The following TYW1 variants were observed in gnomAD, a reference collection of about 807,000 sequenced individuals.
TYW1 encodes the protein S-adenosyl-L-methionine-dependent tRNA 4-demethylwyosine synthase TYW1.
Under a neutral mutation model 96.2 loss-of-function variants are expected in TYW1, and 46 were observed. That is an observed-to-expected ratio of 0.48 (90% confidence interval 0.38 to 0.61). The LOEUF is 0.61. Among genes scored for constraint, TYW1 ranks in the 20% least tolerant of loss-of-function variants. The probability of loss-of-function intolerance (pLI) is 0.00; values close to 1 mark genes in which losing one functional copy is unlikely to be tolerated. For synonymous variants in TYW1, 274 were observed against 323.0 expected (o/e 0.85, Z 1.63); for missense variants, 684 against 909.6 (o/e 0.75, Z 3.19).
At chr7:67,094,039 A>C (rs548494486) in intron 11 of TYW1, among the ~76,000 whole-genome samples, 17 of 151,994 alleles carry the variant, frequency 1.1e-4, no homozygotes, top group African/African-American at 4.1e-4. Context: ...TATTATTTCC[A>C]TCTTTAGGTC....
intron 11 of TYW1, among the ~76,000 whole-genome samples, chr7:67,095,092 G>A (rs62468365): frequency 0.04 from 6,044 of 151,738 alleles, 178 homozygotes; most frequent in Middle Eastern, 0.1. Context: ...TCCGCCTCCC[G>A]GGTTCAAGTG....
At chr7:67,169,494 G>A (rs1244375915) in intron 13 of TYW1, among the ~76,000 whole-genome samples, 1 of 151,918 alleles carries the variant, frequency 6.6e-6, no homozygotes, top group African/African-American at 2.4e-5. Flanking sequence ...TCTGTCTCCC[G>A]GGTTCAAGTG....
intron 7 of TYW1, among the ~76,000 whole-genome samples, chr7:67,044,371 T>C (rs558656041): frequency 1.4e-4 from 21 of 152,278 alleles, no homozygotes; most frequent in Non-Finnish European, 2.8e-4. Context: ...GTGCTGGGAT[T>C]ACAGGTGTGA....
chr7:67,059,842 G>A (rs1399530342), intron 9 of TYW1, among the ~76,000 whole-genome samples: 3 of 150,834 alleles, frequency 2.0e-5, no homozygotes, highest in Non-Finnish European at 3.0e-5. Flanking sequence ...GTGTGATCTC[G>A]GCTCCCTGCA....
At chr7:67,165,846 C>T (rs1347696387) in intron 13 of TYW1, among the ~76,000 whole-genome samples, 1 of 152,182 alleles carries the variant, frequency 6.6e-6, no homozygotes, top group African/African-American at 2.4e-5. Context: ...AGGAGGATCA[C>T]TTGAGCCAGG....
At chr7:67,106,511 G>A (rs1324140222) in intron 12 of TYW1, among the ~76,000 whole-genome samples, 2 of 152,094 alleles carry the variant, frequency 1.3e-5, no homozygotes, top group African/African-American at 4.8e-5. Flanking sequence ...TGTAAGGCAA[G>A]GAAGTTGTTG....
rs1271250996 is a variant in TYW1 at position 67,117,479 on chromosome 7, T to C, written c.1563-4T>C. 1 of 1,590,832 alleles carries C rather than the reference T, an allele frequency of 6.3e-7. No individual in the cohort carries two copies. The highest frequency in any genetic ancestry group is 1.4e-5 in the African/African-American group (1 of 72,966). On this transcript the variant is annotated splice_polypyrimidine_tract_variant and splice_region_variant and intron_variant, in intron 12 of 15. Transcript: ENST00000359626. ...TTTCTTCTTTTAAAAAAAATATTAC[T>C]AAGGAACCTCGAGCCGGTTACTCAG...
chr7:67,185,370 A>C (rs868797430), intron 14 of TYW1, among the ~76,000 whole-genome samples: 13 of 151,806 alleles, frequency 8.6e-5, no homozygotes, highest in Middle Eastern at 6.8e-3. Flanking sequence ...CAACAGTCAC[A>C]AAGTGAGTGG....
chr7:67,052,861 TGCCTCA>T (rs1193617348), intron 8 of TYW1, among the ~76,000 whole-genome samples: 5 of 152,062 alleles, frequency 3.3e-5, no homozygotes, highest in Admixed American at 2.6e-4. Context: ...GTGATTCACC[TGCCTCA>T]GCCTCCTGAG....
intron 7 of TYW1, among the ~76,000 whole-genome samples, chr7:67,025,761 TA>T (rs1794430687): frequency 6.6e-6 from 1 of 152,142 alleles, no homozygotes; most frequent in Non-Finnish European, 1.5e-5. Context: ...AAAATTGAAG[TA>T]ATATTGTGTA....
At chr7:67,023,734 C>T (rs181077133) in intron 6 of TYW1, among the ~76,000 whole-genome samples, 12 of 152,244 alleles carry the variant, frequency 7.9e-5, no homozygotes, top group East Asian at 3.9e-4. Context: ...CGCCACTGCA[C>T]TCCAGCCTGG....
chr7:67,227,598 G>A (rs1218729311), intron 15 of TYW1, among the ~76,000 whole-genome samples: 1 of 151,836 alleles, frequency 6.6e-6, no homozygotes, highest in African/African-American at 2.4e-5. Flanking sequence ...GTTTCATATA[G>A]TTGGGGCTTT....
rs143928226 is a variant in TYW1 at position 67,210,764 on chromosome 7, G to GTCCGTCCATCCATCCA, written c.1977+15430_1977+15431insGTCCATCCATCCATCC. ...TCATCTGTTTGTCTGTCGTCTGTCC[G>GTCCGTCCATCCATCCA]TCCATCCATCCATCCATCCGTCCAT... On this transcript the variant is annotated intron_variant, in intron 15 of 15. Coordinates refer to ENST00000359626, the MANE Select transcript of TYW1 (RefSeq NM_018264.4). Among the ~76,000 whole-genome samples the GTCCGTCCATCCATCCA allele has an allele frequency of 8.2e-4, 118 of 144,098 alleles. 5 individuals are homozygous for GTCCGTCCATCCATCCA. The highest frequency in any genetic ancestry group is 3.7e-3 in the Admixed American group (54 of 14,416). The allele number at this position is 144,098 out of a possible 152,430, so 94.5% of individuals were successfully genotyped here.
intron 10 of TYW1, among the ~76,000 whole-genome samples, chr7:67,072,125 G>A (rs2115699592): frequency 6.7e-6 from 1 of 149,450 alleles, no homozygotes; most frequent in South Asian, 2.2e-4. Flanking sequence ...CACCACATTA[G>A]CCTTGGTGCC....
intron 15 of TYW1, among the ~76,000 whole-genome samples, chr7:67,226,841 C>G (rs2116433936): frequency 6.6e-6 from 1 of 152,208 alleles, no homozygotes; most frequent in South Asian, 2.1e-4. Flanking sequence ...TGGACTTCCT[C>G]TACTCCCACA....
chr7:67,155,470 A>G (rs1255525773), intron 13 of TYW1, among the ~76,000 whole-genome samples: 4 of 152,150 alleles, frequency 2.6e-5, no homozygotes, highest in Non-Finnish European at 5.9e-5. Flanking sequence ...CACCAGAAGC[A>G]GGACACAGCA....
At chr7:67,155,791 G>C (rs961584710) in intron 13 of TYW1, among the ~76,000 whole-genome samples, 1 of 152,104 alleles carries the variant, frequency 6.6e-6, no homozygotes, top group Non-Finnish European at 1.5e-5. Context: ...CTTCCTCATC[G>C]TTCTTGTGTC....
chr7:67,220,045 C>T (rs1401754701), intron 15 of TYW1, among the ~76,000 whole-genome samples: 2 of 150,038 alleles, frequency 1.3e-5, no homozygotes, highest in African/African-American at 4.9e-5. Flanking sequence ...TTCACTGTGT[C>T]CCATACGTTT....
intron 15 of TYW1, among the ~76,000 whole-genome samples, chr7:67,211,150 TTGTGTGTGTGTG>T (rs61112149): frequency 5.0e-4 from 63 of 125,786 alleles, no homozygotes; most frequent in South Asian, 1.7e-3. Context: ...CCCATCAACA[TTGTGTGTGTGTG>T]TGTGTGTGTG....
Sources: allele counts gnomAD v4.1 joint callset (sites outside exome capture counted in the v4.1 genomes callset), GRCh38; gene constraint gnomAD v4.1.1; transcripts MANE v1.5; gene names NCBI Gene and HGNC (gene_info 2026-07-23, HGNC 2026-07-21).